PRKN: variants seen among roughly 807,000 people sequenced by gnomAD.
PRKN encodes the protein parkin RBR E3 ubiquitin protein ligase, also known as E3 ubiquitin-protein ligase parkin.
A neutral mutation model predicts 59.5 loss-of-function variants in PRKN; 56 were observed. The ratio of observed to expected loss-of-function variants is 0.94; its 90% CI spans 0.76 to 1.18. The LOEUF (loss-of-function observed/expected upper bound fraction) is 1.18. Among genes scored for constraint, PRKN ranks in the 50% most tolerant of loss-of-function variants. The pLI is 0.00. For synonymous variants in PRKN, 250 were observed against 222.1 expected (o/e 1.13, Z -1.12); for missense variants, 657 against 596.4 (o/e 1.10, Z -1.06).
chr6:162,291,012 G>A (rs1472551269), intron 2 of PRKN, among the ~76,000 whole-genome samples: 2 of 152,174 alleles, frequency 1.3e-5, no homozygotes, highest in Non-Finnish European at 2.9e-5. Flanking sequence ...GGATAACTGT[G>A]TGTACTTATA....
At chr6:162,359,059 C>CAAAAAAAAAA (rs71692740) in intron 2 of PRKN, among the ~76,000 whole-genome samples, 1 of 92,634 alleles carries the variant, frequency 1.1e-5, no homozygotes, top group African/African-American at 5.1e-5. Context: ...CACACTGTGG[C>CAAAAAAAAAA]AAAAAAAAAA....
intron 1 of PRKN, among the ~76,000 whole-genome samples, chr6:162,630,042 G>A (rs1041958863): frequency 3.9e-5 from 6 of 152,058 alleles, no homozygotes; most frequent in Non-Finnish European, 7.4e-5. Flanking sequence ...CATCACATGC[G>A]TCAACTGTGC....
chr6:162,118,733 T>C (rs1376583977), intron 4 of PRKN, among the ~76,000 whole-genome samples: 1 of 152,182 alleles, frequency 6.6e-6, no homozygotes, highest in Non-Finnish European at 1.5e-5. Context: ...ACCAGTGCAT[T>C]ACAAAAAAGT....
intron 6 of PRKN, among the ~76,000 whole-genome samples, chr6:161,798,477 G>A (rs1790944085): frequency 6.6e-6 from 1 of 152,174 alleles, no homozygotes; most frequent in African/African-American, 2.4e-5. Flanking sequence ...TAGAGGTATT[G>A]CCATCTTCAA....
rs147647127 is a variant in PRKN, at chr6:161,387,804, AAAG to A, written c.1084-930_1084-928del. On this transcript the variant is annotated intron_variant, in intron 9 of 11. Transcript: ENST00000366898. ...AACTGTATTTGGAGACAGGGCCTTT[AAAG>A]TGGTAAAGGGAAGATGAGGTTGTTA... Among the ~76,000 whole-genome samples the A allele has an allele frequency of 2.1e-3, 324 of 152,272 alleles. 1 individual carries two copies. Among genetic ancestry groups the A allele is most frequent in the African/African-American group, 7.2e-3 (301 of 41,554 alleles).
chr6:162,631,336 T>C (rs1400075250), intron 1 of PRKN, among the ~76,000 whole-genome samples: 3 of 152,166 alleles, frequency 2.0e-5, no homozygotes, highest in Non-Finnish European at 2.9e-5. Context: ...GACTGGTTTA[T>C]TACTTCTGTT....
intron 2 of PRKN, among the ~76,000 whole-genome samples, chr6:162,397,950 C>T (rs1261693237): frequency 6.6e-6 from 1 of 151,262 alleles, no homozygotes; most frequent in Non-Finnish European, 1.5e-5. Flanking sequence ...GGCCTGAGAA[C>T]CACTTGAGCC....
chr6:162,540,873 G>T (rs61546427), intron 1 of PRKN, among the ~76,000 whole-genome samples: 13,171 of 151,584 alleles, frequency 0.087, 719 homozygotes, highest in South Asian at 0.18. Flanking sequence ...ATCTGTCCAA[G>T]TATCTGTCAC....
chr6:161,937,405 C>T (rs183770853), intron 6 of PRKN, among the ~76,000 whole-genome samples: 162 of 152,272 alleles, frequency 1.1e-3, no homozygotes, highest in African/African-American at 3.7e-3. Context: ...AAGTATTGGT[C>T]GCAGCAGTAA....
chr6:161,673,758 T>A (rs1390924349), intron 7 of PRKN, among the ~76,000 whole-genome samples: 1 of 151,932 alleles, frequency 6.6e-6, no homozygotes, highest in Non-Finnish European at 1.5e-5. Context: ...TTGTGGAAGG[T>A]GTTTTGAAGG....
intron 2 of PRKN, among the ~76,000 whole-genome samples, chr6:162,325,059 C>A (rs1436656942): frequency 1.3e-5 from 2 of 151,982 alleles, no homozygotes; most frequent in Non-Finnish European, 2.9e-5. Context: ...AAAAAAAAAT[C>A]CATAAATACA....
At chr6:161,890,204 T>C (rs1795292039) in intron 6 of PRKN, among the ~76,000 whole-genome samples, 2 of 152,230 alleles carry the variant, frequency 1.3e-5, no homozygotes, top group Non-Finnish European at 2.9e-5. Context: ...CCTAGCTTTT[T>C]AAAAGGCTTT....
At chr6:162,529,832 T>C (rs1418090332) in intron 1 of PRKN, among the ~76,000 whole-genome samples, 2 of 152,142 alleles carry the variant, frequency 1.3e-5, no homozygotes, top group Non-Finnish European at 2.9e-5. Flanking sequence ...CAACAGTAGA[T>C]AAAGTAAAAA....
At chr6:162,585,408 T>C (rs895332617) in intron 1 of PRKN, among the ~76,000 whole-genome samples, 2 of 152,164 alleles carry the variant, frequency 1.3e-5, no homozygotes, top group African/African-American at 4.8e-5. Context: ...ATTTAGTTCT[T>C]CTAACTGCAC....
At chr6:161,607,464 T>C (rs1782323423) in intron 7 of PRKN, among the ~76,000 whole-genome samples, 1 of 152,128 alleles carries the variant, frequency 6.6e-6, no homozygotes. Context: ...ACAATCAATT[T>C]CTTTGAATAG....
intron 1 of PRKN, among the ~76,000 whole-genome samples, chr6:162,447,110 A>G (rs1790352829): frequency 6.6e-6 from 1 of 152,312 alleles, no homozygotes; most frequent in Admixed American, 6.5e-5. Flanking sequence ...AAAATCTCAG[A>G]AAGAGACTAG....
Position 161,397,677 on chromosome 6 carries a change from T to C in PRKN, c.1084-10800A>G, listed in dbSNP as rs1032055934. 6.6e-6 allele frequency among the ~76,000 whole-genome samples: 1 copy of C among 152,184 alleles called. No homozygotes were observed. The highest frequency in any genetic ancestry group is 2.4e-5 in the African/African-American group (1 of 41,436). On this transcript the variant is annotated intron_variant, in intron 9 of 11. Coordinates refer to ENST00000366898, the MANE Select transcript of PRKN (RefSeq NM_004562.3). The surrounding 1 kb of genome is among the most constrained non-coding windows in gnomAD (Gnocchi z 4.2). ...CAAGGACCTAACAGAATAATGGCAA[T>C]CATCAAACCTTTGCAGAATAAACAA...
Position 161,714,878 on chromosome 6 carries a change from T to G in PRKN, c.871+70894A>C, listed in dbSNP as rs375384744. Among the ~76,000 whole-genome samples the G allele has an allele frequency of 6.4e-4, 97 of 152,318 alleles. 1 individual carries two copies. Among genetic ancestry groups the G allele is most frequent in the African/African-American group, 2.3e-3 (96 of 41,578 alleles). On this transcript the variant is annotated intron_variant, in intron 7 of 11. Coordinates refer to ENST00000366898, the MANE Select transcript of PRKN (RefSeq NM_004562.3). Reference sequence around the variant, plus strand: ...CACAAAGACACATATCAGTGTTTACTTCCTTGAAATTGGCATTTTCAGGAT... The same window carrying G: ...CACAAAGACACATATCAGTGTTTACGTCCTTGAAATTGGCATTTTCAGGAT...
Position 161,373,603 on chromosome 6 carries a change from G to A in PRKN, c.1167+13191C>T, listed in dbSNP as rs1380827175. Among the ~76,000 whole-genome samples, 1 of 126,288 alleles carries A rather than the reference G, an allele frequency of 7.9e-6. No homozygotes were observed. The highest frequency in any genetic ancestry group is 2.9e-5 in the African/African-American group (1 of 35,038). 82.8% of individuals were successfully genotyped at this position (126,288 alleles called of 152,430 possible). ...CTATACCTCTGTGCTTTGCAGGGGT[G>A]ATGAGTTAAATGGCCATGCCTCTGT... On this transcript the variant is annotated intron_variant, in intron 10 of 11. Transcript: ENST00000366898. The surrounding 1 kb of genome is among the most constrained non-coding windows in gnomAD (Gnocchi z 4.8).
Sources: gnomAD v4.1 joint callset for allele counts (sites outside exome capture counted in the v4.1 genomes callset) on GRCh38, gnomAD v4.1.1 for gene constraint, Gnocchi (gnomAD v3.1) non-coding constraint, MANE v1.5 for transcripts, NCBI Gene and HGNC (gene_info 2026-07-23, HGNC 2026-07-21) for gene names.